Variants in PDE8B observed in about 807,000 individuals in gnomAD.
PDE8B encodes the protein high affinity cAMP-specific and IBMX-insensitive 3',5'-cyclic phosphodiesterase 8B.
In PDE8B, 26 loss-of-function variants were observed where a neutral mutation model predicts 101.3. That is an observed-to-expected ratio of 0.26 (90% confidence interval 0.19 to 0.36). The LOEUF is 0.36. Among genes scored for constraint, PDE8B ranks in the 10% least tolerant of loss-of-function variants. PDE8B has a pLI of 1.00. For synonymous variants in PDE8B, 424 were observed against 429.3 expected (o/e 0.99, Z 0.15); for missense variants, 810 against 1,163.1 (o/e 0.70, Z 4.42).
chr5:77,272,243 A>G (rs552130632), intron 1 of PDE8B, among the ~76,000 whole-genome samples: 11 of 152,206 alleles, frequency 7.2e-5, no homozygotes, highest in Admixed American at 2.0e-4. Flanking sequence ...TATGATATCT[A>G]TTAGTTCACA....
chr5:77,149,741 G>C, the PDE8B span, among the ~76,000 whole-genome samples: 2 of 152,130 alleles, frequency 1.3e-5, no homozygotes, highest in Non-Finnish European at 2.9e-5. Context: ...ATTAGTTCTA[G>C]ATATTTTGTG....
chr5:77,418,004 TC>T (rs1476944537), intron 17 of PDE8B, among the ~76,000 whole-genome samples: 3 of 152,158 alleles, frequency 2.0e-5, no homozygotes, highest in African/African-American at 7.2e-5. Flanking sequence ...GAATTAAGCG[TC>T]TGCTGTAACT....
At chr5:77,394,829 A>C (rs1210448698) in intron 10 of PDE8B, among the ~76,000 whole-genome samples, 3 of 152,172 alleles carry the variant, frequency 2.0e-5, no homozygotes, top group African/African-American at 7.2e-5. Flanking sequence ...CCTCTTGTCA[A>C]AAAGGCTTTG....
At chr5:77,299,954 G>A (rs1407408243) in intron 1 of PDE8B, among the ~76,000 whole-genome samples, 1 of 152,178 alleles carries the variant, frequency 6.6e-6, no homozygotes, top group Non-Finnish European at 1.5e-5. Context: ...CTAAGATCAG[G>A]GGCTCCCATG....
At chr5:77,170,268 A>G in the PDE8B span, among the ~76,000 whole-genome samples, 1 of 152,206 alleles carries the variant, frequency 6.6e-6, no homozygotes, top group African/African-American at 2.4e-5. Context: ...GACTGCATTT[A>G]TTGAGCGCTT....
At chr5:77,097,734 C>CTATATATATATCTATATATATATCG in the PDE8B span, among the ~76,000 whole-genome samples, 1 of 26,838 alleles carries the variant, frequency 3.7e-5, no homozygotes, top group Non-Finnish European at 9.7e-5. Flanking sequence ...TATATATATA[C>CTATATATATATCTATATATATATCG]ATACATATGA....
chr5:77,296,282 C>G (rs1398324956), intron 1 of PDE8B, among the ~76,000 whole-genome samples: 1 of 150,586 alleles, frequency 6.6e-6, no homozygotes, highest in Non-Finnish European at 1.5e-5. Flanking sequence ...CTTCTTTCTT[C>G]TTCTTGTTTC....
In PDE8B at chr5:77,404,723, C is replaced by T; in HGVS notation, c.1214C>T (p.Pro405Leu). 6.3e-7 allele frequency: 1 copy of T among 1,579,456 alleles called. No homozygotes were observed. The highest frequency in any genetic ancestry group is 8.7e-7 in the Non-Finnish European group (1 of 1,148,594). The change falls in exon 12 of 22, where the codon CCT (proline) becomes CTT (leucine). Residue 405 changes from proline to leucine, a missense_variant. Pro to Leu is a moderately conservative substitution (Grantham distance 98). Around this residue, in one of 4 missense-constraint regions of PDE8B, gnomAD observed 75 missense variants for 76.9 expected, o/e 0.98. Transcript: ENST00000264917. ...CTTTCTAATCTGAAATCCTTAGAGCCTCATTCATTCAGATATAAGAACAGG... is the reference window on the plus strand; with the variant it reads ...CTTTCTAATCTGAAATCCTTAGAGCTTCATTCATTCAGATATAAGAACAGG... ...RDSGDNSQTE[P>L]HSFRYKNRRK...
At chr5:77,302,069 A>G (rs568479826) in intron 1 of PDE8B, among the ~76,000 whole-genome samples, 1 of 152,286 alleles carries the variant, frequency 6.6e-6, no homozygotes, top group East Asian at 1.9e-4. Context: ...ACTGTAGATG[A>G]CATGACTATG....
intron 1 of PDE8B, among the ~76,000 whole-genome samples, chr5:77,270,770 T>G (rs1163481005): frequency 2.0e-5 from 3 of 152,222 alleles, no homozygotes; most frequent in Non-Finnish European, 1.5e-5. Context: ...ACCACTTCCT[T>G]CTGGGAAGAA....
chr5:77,150,618 A>C, the PDE8B span, among the ~76,000 whole-genome samples: 219 of 152,338 alleles, frequency 1.4e-3, 3 homozygotes, highest in South Asian at 0.044. Context: ...AAGCAGTGAA[A>C]ATAGCTGAGA....
intron 1 of PDE8B, among the ~76,000 whole-genome samples, chr5:77,255,837 C>G (rs930992293): frequency 6.6e-6 from 1 of 152,212 alleles, no homozygotes; most frequent in Non-Finnish European, 1.5e-5. Flanking sequence ...CGGGGTGTGT[C>G]CTGGCACAGA....
At chr5:77,411,883 C>G (rs1389849179) in intron 15 of PDE8B, among the ~76,000 whole-genome samples, 162 bp downstream of exon 15, 2 of 152,346 alleles carry the variant, frequency 1.3e-5, no homozygotes, top group South Asian at 4.1e-4. Flanking sequence ...ATTAAAATTA[C>G]TTCTCTGAGC....
At chr5:77,415,351 A>ATTTTTTTTTT (rs71606293) in intron 17 of PDE8B, among the ~76,000 whole-genome samples, 1 of 88,734 alleles carries the variant, frequency 1.1e-5, no homozygotes, top group Non-Finnish European at 2.1e-5. Context: ...ATAAGCTAAA[A>ATTTTTTTTTT]TTTTTTTTTT....
rs577648729 is a variant in PDE8B at position 77,242,897 on chromosome 5, A to G, written c.339+31633A>G. Reference sequence around the variant, plus strand: ...TAGCCAGGATGGTCTTGATCTCCTGACCTTGTGATCCGCCTGTCTCGGCCT... The same window carrying G: ...TAGCCAGGATGGTCTTGATCTCCTGGCCTTGTGATCCGCCTGTCTCGGCCT... On this transcript the variant is annotated intron_variant, in intron 1 of 21. Transcript: ENST00000264917. 6.1e-4 allele frequency among the ~76,000 whole-genome samples: 92 copies of G among 152,002 alleles called. No homozygotes were observed. The East Asian group carries it at 0.011, about 19-fold the overall frequency.
intron 1 of PDE8B, among the ~76,000 whole-genome samples, chr5:77,301,692 C>G (rs1388672374): frequency 6.6e-6 from 1 of 152,220 alleles, no homozygotes; most frequent in East Asian, 1.9e-4. Flanking sequence ...TGACCATTGC[C>G]TTTAAATTCC....
chr5:77,418,332 G>C lies in PDE8B; in HGVS notation c.2015G>C (p.Ser672Thr). 1 of 1,613,760 alleles carries C rather than the reference G, an allele frequency of 6.2e-7. No homozygotes were observed. Among genetic ancestry groups the C allele is most frequent in the Non-Finnish European group, 8.5e-7 (1 of 1,179,638 alleles). ...RTNSFLCNAG[S>T]ELAVLYNDTA... ...AACTCTTTCCTCTGCAATGCAGGCA[G>C]TGAGCTTGCTGTGCTCTACAATGAC... The change falls in exon 18 of 22, where the codon AGT (serine) becomes ACT (threonine). Residue 672 changes from serine (S) to threonine (T), a missense_variant. This residue lies in a region of PDE8B where 325 missense variants were observed against 560.9 expected (regional missense o/e 0.58). Transcript: ENST00000264917.
At chr5:77,153,049 T>C in the PDE8B span, among the ~76,000 whole-genome samples, 5 of 152,118 alleles carry the variant, frequency 3.3e-5, no homozygotes, top group Admixed American at 1.3e-4. Flanking sequence ...TGGTAATGAC[T>C]TGGGAGGGGA....
the PDE8B span, among the ~76,000 whole-genome samples, chr5:77,190,046 T>C: frequency 6.6e-6 from 1 of 152,350 alleles, no homozygotes; most frequent in African/African-American, 2.4e-5. Context: ...CTTCTAGCAC[T>C]AACACGGTGT....
Sources: gnomAD v4.1 joint callset for allele counts (sites outside exome capture counted in the v4.1 genomes callset) on GRCh38, gnomAD v4.1.1 for gene constraint, gnomAD v4.1.1 regional missense constraint, MANE v1.5 for transcripts, NCBI Gene and HGNC (gene_info 2026-07-23, HGNC 2026-07-21) for gene names.